TTBK2: variants seen among roughly 807,000 people sequenced by gnomAD.
TTBK2 encodes the protein tau-tubulin kinase 2.
In TTBK2, 28 loss-of-function variants were observed where a neutral mutation model predicts 110.8. The ratio of observed to expected loss-of-function variants is 0.25; its 90% CI spans 0.19 to 0.35. TTBK2 has a LOEUF of 0.35. TTBK2 is among the 10% of genes least tolerant of loss of function. TTBK2 has a pLI of 1.00. For missense variants in TTBK2, 1,369 were observed against 1,500.3 expected (o/e 0.91, Z 1.45); for synonymous variants, 532 against 527.3 (o/e 1.01, Z -0.12).
chr15:42,825,583 C>G (rs1201911170), intron 6 of TTBK2, among the ~76,000 whole-genome samples: 2 of 152,010 alleles, frequency 1.3e-5, no homozygotes. Context: ...GGTGTGGTGG[C>G]GGGCGCCTGT....
chr15:42,868,622 C>T (rs1015089973), intron 3 of TTBK2, among the ~76,000 whole-genome samples: 46 of 150,598 alleles, frequency 3.1e-4, no homozygotes, highest in Admixed American at 2.8e-3. Context: ...TCTGGGAGGC[C>T]GAGGCAAGAG....
chr15:42,761,149 AC>A (rs1417512340), intron 13 of TTBK2, among the ~76,000 whole-genome samples: 1 of 152,038 alleles, frequency 6.6e-6, no homozygotes, highest in East Asian at 1.9e-4. Context: ...ATGAAACTAG[AC>A]CCCCATCTCT....
chr15:42,901,238 T>C (rs1368706459), intron 1 of TTBK2, among the ~76,000 whole-genome samples: 1 of 151,920 alleles, frequency 6.6e-6, no homozygotes, highest in South Asian at 2.1e-4. Flanking sequence ...GGTGCATGCC[T>C]GTAATCCCAG....
intron 13 of TTBK2, among the ~76,000 whole-genome samples, chr15:42,773,224 A>G (rs765531874): frequency 1.3e-5 from 2 of 152,150 alleles, no homozygotes; most frequent in Non-Finnish European, 2.9e-5. Flanking sequence ...TAAAAAACTG[A>G]GAAATAAGTA....
At chr15:42,792,771 T>G (rs1890752560) in intron 10 of TTBK2, among the ~76,000 whole-genome samples, 1 of 152,184 alleles carries the variant, frequency 6.6e-6, no homozygotes, top group South Asian at 2.1e-4. Context: ...TTTTCTCTCT[T>G]TTTATTTACA....
At chr15:42,802,455 A>G in intron 9 of TTBK2, 1 of 679,600 alleles carries the variant, frequency 1.5e-6, no homozygotes, top group Non-Finnish European at 2.7e-6. Flanking sequence ...AGGAGTGGAG[A>G]AGCTGCTTCT....
chr15:42,880,187 C>T (rs1894985009), intron 1 of TTBK2, among the ~76,000 whole-genome samples: 1 of 152,120 alleles, frequency 6.6e-6, no homozygotes, highest in South Asian at 2.1e-4. Flanking sequence ...ATCATCAGAA[C>T]TGGTGTTAAA....
chr15:42,751,826 AC>A (rs749673621), intron 14 of TTBK2, 147 bp downstream of exon 14: 1 of 900,216 alleles, frequency 1.1e-6, no homozygotes, highest in Non-Finnish European at 1.8e-6. Flanking sequence ...GATTACTTCT[AC>A]TGCACTAGGC....
intron 1 of TTBK2, among the ~76,000 whole-genome samples, chr15:42,886,756 C>A (rs1895262182): frequency 6.6e-6 from 1 of 152,202 alleles, no homozygotes; most frequent in African/African-American, 2.4e-5. Flanking sequence ...TAAGCCACAG[C>A]GGTCAGGCGT....
intron 1 of TTBK2, among the ~76,000 whole-genome samples, chr15:42,898,675 A>C (rs1895766228): frequency 6.6e-6 from 1 of 152,234 alleles, no homozygotes; most frequent in African/African-American, 2.4e-5. Context: ...AAATAAAAGG[A>C]TCTAACTGTG....
intron 1 of TTBK2, among the ~76,000 whole-genome samples, chr15:42,899,049 G>C (rs1895778332): frequency 6.6e-6 from 1 of 152,164 alleles, no homozygotes. Flanking sequence ...CTGGAGTGCT[G>C]TGGTGTGATC....
At chr15:42,842,893 G>A (rs1415803498) in intron 3 of TTBK2, among the ~76,000 whole-genome samples, 1 of 152,046 alleles carries the variant, frequency 6.6e-6, no homozygotes, top group Non-Finnish European at 1.5e-5. Context: ...CACTTAACAT[G>A]TATTTTACAT....
chr15:42,757,493 T>G (rs550866705), intron 13 of TTBK2, among the ~76,000 whole-genome samples: 2 of 152,324 alleles, frequency 1.3e-5, no homozygotes, highest in African/African-American at 4.8e-5. Flanking sequence ...ATTTTGAAAG[T>G]TGTGCACAGC....
chr15:42,916,190 T>G (rs1047066566), intron 1 of TTBK2, among the ~76,000 whole-genome samples: 1 of 152,214 alleles, frequency 6.6e-6, no homozygotes, highest in African/African-American at 2.4e-5. Flanking sequence ...GTTTATTATC[T>G]ACCATATAAT....
intron 14 of TTBK2, among the ~76,000 whole-genome samples, chr15:42,750,744 A>G (rs564144740): frequency 2.3e-4 from 35 of 152,264 alleles, no homozygotes; most frequent in Non-Finnish European, 4.7e-4. Context: ...AAGAGACATG[A>G]ATATACAACA....
intron 3 of TTBK2, among the ~76,000 whole-genome samples, chr15:42,865,743 A>G (rs1894349931): frequency 6.6e-6 from 1 of 152,168 alleles, no homozygotes; most frequent in Admixed American, 6.5e-5. Context: ...GGATCACTTG[A>G]GCCCAGGAGT....
intron 9 of TTBK2, among the ~76,000 whole-genome samples, chr15:42,809,328 G>T (rs1319364403): frequency 6.6e-6 from 1 of 152,198 alleles, no homozygotes; most frequent in African/African-American, 2.4e-5. Flanking sequence ...TGAAAAACTT[G>T]AGAACAATAA....
chr15:42,747,151 G>T (rs2061804344), intron 14 of TTBK2, among the ~76,000 whole-genome samples: 2 of 151,930 alleles, frequency 1.3e-5, no homozygotes, highest in Admixed American at 6.6e-5. Context: ...TATATTTTGT[G>T]TAGAGACGGT....
intron 2 of TTBK2, among the ~76,000 whole-genome samples, chr15:42,874,543 C>T (rs1378419565): frequency 6.6e-6 from 1 of 151,724 alleles, no homozygotes; most frequent in Non-Finnish European, 1.5e-5. Flanking sequence ...TCTCAAACTC[C>T]TGATCACAGG....
Sources: allele counts gnomAD v4.1 joint callset (sites outside exome capture counted in the v4.1 genomes callset), GRCh38; gene constraint gnomAD v4.1.1; transcripts MANE v1.5; gene names NCBI Gene and HGNC (gene_info 2026-07-23, HGNC 2026-07-21).